The following HK1 variants were observed in gnomAD, a reference collection of about 807,000 sequenced individuals.
The protein encoded by HK1 is hexokinase 1.
In HK1, 28 loss-of-function variants were observed where a neutral mutation model predicts 91.6. The ratio of observed to expected loss-of-function variants is 0.31; its 90% CI spans 0.23 to 0.42. The LOEUF (loss-of-function observed/expected upper bound fraction) is 0.42. Ranked by LOEUF, HK1 falls within the 10% of genes least tolerant of loss-of-function variation. HK1 has a pLI of 1.00. For missense variants in HK1, 770 were observed against 1,219.8 expected (o/e 0.63, Z 5.49); for synonymous variants, 430 against 468.1 (o/e 0.92, Z 1.05).
intron 1 of HK1, among the ~76,000 whole-genome samples, chr10:69,323,953 G>A (rs1463306287): frequency 6.6e-6 from 1 of 152,170 alleles, no homozygotes; most frequent in East Asian, 1.9e-4. Context: ...AAGGTCCAGG[G>A]AAGACATGGA....
At chr10:69,354,282 C>T (rs746968320) in intron 2 of HK1, among the ~76,000 whole-genome samples, 38 of 152,200 alleles carry the variant, frequency 2.5e-4, no homozygotes, top group African/African-American at 8.9e-4. Flanking sequence ...TGTATTAGTC[C>T]GTTTTCATAC....
chr10:69,390,241 C>G (rs944440242), intron 14 of HK1, among the ~76,000 whole-genome samples: 1 of 152,246 alleles, frequency 6.6e-6, no homozygotes, highest in Non-Finnish European at 1.5e-5. Flanking sequence ...CAGCCCCTCC[C>G]TTTCTTTCCA....
chr10:69,302,541 G>A (rs1845927411), intron 5 of HK1, among the ~76,000 whole-genome samples: 1 of 151,438 alleles, frequency 6.6e-6, no homozygotes, highest in African/African-American at 2.4e-5. Context: ...ACAATTCAAT[G>A]GGGAAAGAAA....
At chr10:69,342,552 C>G (rs1464284152) in intron 1 of HK1, among the ~76,000 whole-genome samples, 1 of 152,206 alleles carries the variant, frequency 6.6e-6, no homozygotes, top group Non-Finnish European at 1.5e-5. Flanking sequence ...GGCCGGAGTT[C>G]AGAGAGCACA....
chr10:69,274,950 G>A (rs1379264763), intron 1 of HK1, among the ~76,000 whole-genome samples: 3 of 152,040 alleles, frequency 2.0e-5, no homozygotes, highest in Non-Finnish European at 4.4e-5. Context: ...CCCTCATAGA[G>A]GAAAGCAGTC....
At chr10:69,283,790 C>T (rs1844880564) in intron 2 of HK1, among the ~76,000 whole-genome samples, 1 of 87,200 alleles carries the variant, frequency 1.1e-5, no homozygotes, top group Admixed American at 1.4e-4. Context: ...CAGAGTGAGA[C>T]TCTGTCTCAA....
chr10:69,359,812 C>G (rs1849321598), intron 2 of HK1, 85 bp from the exon 3 acceptor site: 1 of 1,335,448 alleles, frequency 7.5e-7, no homozygotes, highest in Non-Finnish European at 1.1e-6. Flanking sequence ...CAGACAGGGC[C>G]TACGCCCTGC....
chr10:69,313,875 T>C (rs1408242237), upstream of HK1, among the ~76,000 whole-genome samples: 1 of 152,146 alleles, frequency 6.6e-6, no homozygotes, highest in Non-Finnish European at 1.5e-5. Context: ...CCAAATAAAA[T>C]GTTACAGGCC....
intron 14 of HK1, 59 bp downstream of exon 14, chr10:69,389,355 T>G: frequency 7.8e-7 from 1 of 1,283,552 alleles, no homozygotes; most frequent in African/African-American, 1.5e-5. Context: ...TTCCCCGTTT[T>G]GTGGGGCCTT....
intron 1 of HK1, among the ~76,000 whole-genome samples, chr10:69,329,306 G>A (rs1847567261): frequency 6.6e-6 from 1 of 152,016 alleles, no homozygotes; most frequent in Admixed American, 6.6e-5. Context: ...GGGACTATAG[G>A]CGCATGCCAC....
In HK1 at chr10:69,400,970, C is replaced by A. The variant is rs1378995788; in HGVS notation, c.2610-21C>A. ...TCTCTCATCTTCCTCCAACTACCTT[C>A]TGTTTTCTCGTCCTTTTTAGCTTCT... On this transcript the variant is annotated intron_variant, in intron 17 of 17. Transcript: ENST00000359426. 1.9e-6 allele frequency: 3 copies of A among 1,614,058 alleles called. No homozygotes were observed. In the African/African-American group the frequency reaches 4.0e-5, roughly 22 times the overall value.
At position 69,401,231 on chromosome 10, in the gene HK1, G is replaced by T; in HGVS notation, c.*96G>T. 6.9e-7 allele frequency: 1 copy of T among 1,444,192 alleles called. No individual in the cohort carries two copies. The highest frequency in any genetic ancestry group is 9.4e-7 in the Non-Finnish European group (1 of 1,058,898). 89.5% of individuals were successfully genotyped at this position (1,444,192 alleles called of 1,614,324 possible). ...GCGAGTTGCGCTGGGAGACGCTGGCGCCAGGGCCTGCCGGCGCGGGGAGGA... is the reference window on the plus strand; with the variant it reads ...GCGAGTTGCGCTGGGAGACGCTGGCTCCAGGGCCTGCCGGCGCGGGGAGGA... On this transcript the variant is annotated 3_prime_UTR_variant, in exon 18 of 18. Transcript: ENST00000359426.
intron 4 of HK1, 107 bp from the exon 5 acceptor site, chr10:69,368,429 G>A (rs1240765464): frequency 3.3e-6 from 3 of 913,580 alleles, no homozygotes; most frequent in Non-Finnish European, 5.4e-6. Flanking sequence ...GGAGCCACTT[G>A]GCCCCTATGG....
chr10:69,354,390 A>T (rs1849029033), intron 2 of HK1, among the ~76,000 whole-genome samples: 1 of 152,206 alleles, frequency 6.6e-6, no homozygotes, highest in Non-Finnish European at 1.5e-5. Context: ...GGAAACTTAC[A>T]ATCATGGTGG....
upstream of HK1, among the ~76,000 whole-genome samples, chr10:69,314,438 T>G (rs1846537694): frequency 6.6e-6 from 1 of 152,206 alleles, no homozygotes; most frequent in South Asian, 2.1e-4. Flanking sequence ...GGTTGGGATC[T>G]CTTCCGAGGC....
At chr10:69,397,157 G>C (rs1297282785) in intron 16 of HK1, among the ~76,000 whole-genome samples, 1 of 152,166 alleles carries the variant, frequency 6.6e-6, no homozygotes, top group Non-Finnish European at 1.5e-5. Context: ...GTGTGTGTGT[G>C]TGTACGCACC....
At chr10:69,291,891 T>A (rs943834341) in intron 3 of HK1, among the ~76,000 whole-genome samples, 8 of 152,148 alleles carry the variant, frequency 5.3e-5, no homozygotes, top group Non-Finnish European at 1.2e-4. Context: ...CTTGGAAGTA[T>A]CTGCAAGCCT....
chr10:69,357,990 TG>T (rs1423376987), intron 2 of HK1, among the ~76,000 whole-genome samples: 4 of 152,188 alleles, frequency 2.6e-5, no homozygotes, highest in Non-Finnish European at 5.9e-5. Context: ...GTGAATTATA[TG>T]GTATGTGAAT....
At chr10:69,324,866 A>G (rs868789615) in intron 1 of HK1, among the ~76,000 whole-genome samples, 3 of 152,102 alleles carry the variant, frequency 2.0e-5, no homozygotes, top group Admixed American at 6.5e-5. Flanking sequence ...ACCACTTAAT[A>G]TACACTGGGT....
Sources: allele counts gnomAD v4.1 joint callset (sites outside exome capture counted in the v4.1 genomes callset), GRCh38; gene constraint gnomAD v4.1.1; transcripts MANE v1.5; gene names NCBI Gene and HGNC (gene_info 2026-07-23, HGNC 2026-07-21).